Variants in LIMCH1 observed in about 807,000 individuals in gnomAD.
LIMCH1 encodes LIM and calponin homology domains-containing protein 1.
In LIMCH1, 113 loss-of-function variants were observed where a neutral mutation model predicts 176.5. That is an observed-to-expected ratio of 0.64 (90% confidence interval 0.55 to 0.75). LIMCH1 has a LOEUF of 0.75. Among genes scored for constraint, LIMCH1 ranks in the 30% least tolerant of loss-of-function variants. The pLI is 0.00. For synonymous variants in LIMCH1, 619 were observed against 645.9 expected, an observed-to-expected ratio of 0.96 and a Z score of 0.63; for missense variants, 1,674 against 1,814.9, an observed-to-expected ratio of 0.92 and a Z score of 1.41.
At chr4:41,383,254 T>G (rs2055985751) in intron 1 of LIMCH1, among the ~76,000 whole-genome samples, 1 of 152,198 alleles carries the variant, frequency 6.6e-6, no homozygotes, top group Non-Finnish European at 1.5e-5. Context: ...GTTAGAGAGA[T>G]ATATAATTGC....
intron 1 of LIMCH1, among the ~76,000 whole-genome samples, chr4:41,362,339 C>CT (rs933002427): frequency 6.6e-6 from 1 of 152,206 alleles, no homozygotes; most frequent in Admixed American, 6.5e-5. Flanking sequence ...AAGACCTTGG[C>CT]TTTTTATTTT....
At chr4:41,682,310 A>G in intron 25 of LIMCH1, 23 bp from the exon 26 acceptor site, 5 of 1,590,430 alleles carry the variant, frequency 3.1e-6, no homozygotes, top group Non-Finnish European at 4.3e-6. Flanking sequence ...TATACTTAAG[A>G]TTTTCATTGT....
intron 4 of LIMCH1, chr4:41,612,825 C>A: frequency 8.5e-7 from 1 of 1,179,506 alleles, no homozygotes; most frequent in Non-Finnish European, 1.1e-6. Context: ...TCAGGAAAAG[C>A]GTTTTGCATA....
intron 1 of LIMCH1, among the ~76,000 whole-genome samples, chr4:41,369,832 T>C: frequency 6.6e-6 from 1 of 152,006 alleles, no homozygotes; most frequent in Non-Finnish European, 1.5e-5. Context: ...CCCCACTGCC[T>C]GAGCGCTTTC....
chr4:41,514,005 TAAAAAAAAAAAAAAAAAAAAAAAAAA>T (rs71198665), intron 2 of LIMCH1, among the ~76,000 whole-genome samples: 30 of 48,532 alleles, frequency 6.2e-4, no homozygotes, highest in South Asian at 3.0e-3. Context: ...GACTCCGTCT[TAAAAAAAAAAAAAAAAAAAAAAAAAA>T]AAAAAAAAAA....
At chr4:41,655,986 C>T (rs149646295) in intron 18 of LIMCH1, among the ~76,000 whole-genome samples, 90 of 152,302 alleles carry the variant, frequency 5.9e-4, no homozygotes, top group African/African-American at 2.0e-3. Context: ...TCTCAAGTGA[C>T]GTAGCCCATG....
intron 1 of LIMCH1, among the ~76,000 whole-genome samples, chr4:41,407,216 A>G (rs2059052403): frequency 6.6e-6 from 1 of 152,056 alleles, no homozygotes; most frequent in Non-Finnish European, 1.5e-5. Context: ...GTAAGTCCAC[A>G]CTGGGTGCTT....
At chr4:41,404,993 ATTTC>A (rs1227603961) in intron 1 of LIMCH1, among the ~76,000 whole-genome samples, 2 of 152,012 alleles carry the variant, frequency 1.3e-5, no homozygotes, top group African/African-American at 4.8e-5. Context: ...TGTAGTGATT[ATTTC>A]TTTAACCCAT....
chr4:41,637,716 CTG>C (rs2093650530), intron 13 of LIMCH1, among the ~76,000 whole-genome samples: 1 of 152,146 alleles, frequency 6.6e-6, no homozygotes, highest in South Asian at 2.1e-4. Flanking sequence ...GTTGCCTTCA[CTG>C]TGAATTAAAT....
At chr4:41,476,846 G>A (rs1165281766) in intron 1 of LIMCH1, among the ~76,000 whole-genome samples, 1 of 152,148 alleles carries the variant, frequency 6.6e-6, no homozygotes, top group African/African-American at 2.4e-5. Context: ...AAAATCCAGG[G>A]ACCTGACAAA....
chr4:41,676,297 C>A, intron 22 of LIMCH1, 85 bp from the exon 23 acceptor site: 1 of 1,014,922 alleles, frequency 9.9e-7, no homozygotes, highest in Admixed American at 2.2e-5. Flanking sequence ...GGGTGCCAGG[C>A]CAGAGGCCAA....
At chr4:41,385,288 A>G (rs997593653) in intron 1 of LIMCH1, among the ~76,000 whole-genome samples, 7 of 152,234 alleles carry the variant, frequency 4.6e-5, no homozygotes, top group African/African-American at 1.7e-4. Context: ...TTCTTTGCTT[A>G]GAAATTAATG....
chr4:41,685,967 C>A, intron 28 of LIMCH1, 137 bp downstream of exon 28: 1 of 869,664 alleles, frequency 1.1e-6, no homozygotes, highest in Non-Finnish European at 1.7e-6. Context: ...ATCTCATTGA[C>A]AAGGTAGTCA....
chr4:41,594,684 T>G (rs550583057), intron 1 of LIMCH1, among the ~76,000 whole-genome samples: 1 of 152,238 alleles, frequency 6.6e-6, no homozygotes, highest in East Asian at 1.9e-4. Flanking sequence ...AGACCTGCAG[T>G]TATTTAAATC....
At chr4:41,538,613 TACAAGAC>T (rs1402580552) in intron 1 of LIMCH1, among the ~76,000 whole-genome samples, 1 of 151,758 alleles carries the variant, frequency 6.6e-6, no homozygotes, top group East Asian at 1.9e-4. Context: ...CGGTATGTGG[TACAAGAC>T]ACATAACTCC....
intron 2 of LIMCH1, among the ~76,000 whole-genome samples, chr4:41,510,640 G>A (rs1440807348): frequency 6.6e-6 from 1 of 152,050 alleles, no homozygotes; most frequent in African/African-American, 2.4e-5. Flanking sequence ...CTAGGCTGGA[G>A]TGCACTGGCA....
chr4:41,597,982 T>A (rs2089234787), intron 1 of LIMCH1, among the ~76,000 whole-genome samples: 1 of 152,204 alleles, frequency 6.6e-6, no homozygotes, highest in Non-Finnish European at 1.5e-5. Flanking sequence ...GTTTCAGATT[T>A]TTGTAGCATG....
chr4:41,565,710 T>C (rs1163068951), intron 1 of LIMCH1, among the ~76,000 whole-genome samples: 2 of 152,050 alleles, frequency 1.3e-5, no homozygotes, highest in Non-Finnish European at 2.9e-5. Flanking sequence ...GAGGGAAAGG[T>C]GGGCATTTTG....
intron 14 of LIMCH1, among the ~76,000 whole-genome samples, chr4:41,643,620 T>A (rs1585235775): frequency 1.3e-5 from 2 of 152,200 alleles, no homozygotes; most frequent in East Asian, 3.9e-4. Context: ...ATAAAACATA[T>A]AAATTATATG....
Sources: allele counts gnomAD v4.1 joint callset (sites outside exome capture counted in the v4.1 genomes callset), GRCh38; gene constraint gnomAD v4.1.1; transcripts MANE v1.5; gene names NCBI Gene and HGNC (gene_info 2026-07-23, HGNC 2026-07-21).